Variants in DOK5 observed in about 807,000 individuals in gnomAD.
DOK5 encodes the protein docking protein 5, also known as downstream of tyrosine kinase 5.
In DOK5, 27 loss-of-function variants were observed where a neutral mutation model predicts 43.3. The ratio of observed to expected loss-of-function variants is 0.62; its 90% CI spans 0.46 to 0.86. DOK5 has a LOEUF of 0.86. Among genes scored for constraint, DOK5 ranks in the 40% least tolerant of loss-of-function variants. The pLI, the probability that DOK5 is intolerant of heterozygous loss-of-function variation, is 0.00. For synonymous variants in DOK5, 146 were observed against 140.1 expected (o/e 1.04, Z -0.30); for missense variants, 373 against 392.9 (o/e 0.95, Z 0.43).
intron 1 of DOK5, among the ~76,000 whole-genome samples, chr20:54,532,944 C>T (rs2426531): frequency 0.17 from 25,669 of 152,230 alleles, 4,723 homozygotes; most frequent in African/African-American, 0.47. Context: ...TCTATGTCTA[C>T]CTGATCCTAA....
chr20:54,533,791 TTTTG>T (rs1414500841), intron 1 of DOK5, among the ~76,000 whole-genome samples: 1 of 152,210 alleles, frequency 6.6e-6, no homozygotes, highest in Non-Finnish European at 1.5e-5. Flanking sequence ...TTATTTCTGA[TTTTG>T]TTTATTATTT....
At chr20:54,623,442 A>G (rs527434338) in intron 6 of DOK5, among the ~76,000 whole-genome samples, 1 of 152,234 alleles carries the variant, frequency 6.6e-6, no homozygotes, top group Non-Finnish European at 1.5e-5. Flanking sequence ...TGTTCACATC[A>G]TATGTAATAA....
intron 1 of DOK5, among the ~76,000 whole-genome samples, chr20:54,502,526 C>T (rs1353736045): frequency 6.6e-6 from 1 of 152,148 alleles, no homozygotes; most frequent in Non-Finnish European, 1.5e-5. Flanking sequence ...CCCGTCTACC[C>T]AGAGCCACCA....
chr20:54,576,329 T>G (rs1423017220), intron 2 of DOK5, among the ~76,000 whole-genome samples: 1 of 152,188 alleles, frequency 6.6e-6, no homozygotes. Flanking sequence ...AGAAGACTAC[T>G]GCTCAGAAGC....
chr20:54,539,264 G>A lies in DOK5; in HGVS notation c.67-15669G>A, dbSNP rs988419304. 4.0e-5 allele frequency among the ~76,000 whole-genome samples: 5 copies of A among 126,436 alleles called. No homozygotes were observed. The South Asian group carries it at 1.0e-3, about 26-fold the overall frequency. The allele number at this position is 126,436 out of a possible 152,430, so 82.9% of individuals were successfully genotyped here. A position where few individuals can be genotyped will look rare whatever the true frequency, so the allele number is the denominator to read the frequency against. ...CCTGCACTCCAGCCTGGGCAACAGA[G>A]CGAGGCTCCATCTCCAAAAAAAAAA... On this transcript the variant is annotated intron_variant, in intron 1 of 7. Transcript: ENST00000262593.
At chr20:54,575,158 G>A (rs1261071741) in intron 2 of DOK5, among the ~76,000 whole-genome samples, 2 of 152,182 alleles carry the variant, frequency 1.3e-5, no homozygotes, top group African/African-American at 4.8e-5. Context: ...GGAACATTCT[G>A]CAAGAAAACT....
chr20:54,606,104 G>A (rs1358939505), intron 5 of DOK5, among the ~76,000 whole-genome samples: 1 of 152,146 alleles, frequency 6.6e-6, no homozygotes, highest in Non-Finnish European at 1.5e-5. Context: ...CTGAGCTATT[G>A]GTTCCTTCTG....
At chr20:54,579,350 G>A (rs1268288918) in intron 2 of DOK5, among the ~76,000 whole-genome samples, 1 of 148,760 alleles carries the variant, frequency 6.7e-6, no homozygotes, top group African/African-American at 2.6e-5. Context: ...TAAAAGTTGT[G>A]TGTGTGCTTG....
chr20:54,648,660 G>A (rs1282576461), intron 7 of DOK5, among the ~76,000 whole-genome samples: 1 of 152,198 alleles, frequency 6.6e-6, no homozygotes, highest in East Asian at 1.9e-4. Context: ...TAAAGAGACA[G>A]CCGGGGTGGT....
chr20:54,578,692 C>G (rs1193536155), intron 2 of DOK5, among the ~76,000 whole-genome samples: 1 of 152,138 alleles, frequency 6.6e-6, no homozygotes, highest in Admixed American at 6.5e-5. Flanking sequence ...AATTGCATCT[C>G]CTTTAGAAAA....
intron 1 of DOK5, among the ~76,000 whole-genome samples, chr20:54,531,989 A>G (rs1018155786): frequency 3.3e-5 from 5 of 152,150 alleles, no homozygotes; most frequent in African/African-American, 1.2e-4. Flanking sequence ...CTCTCATGTA[A>G]TTGATTTATG....
intron 1 of DOK5, among the ~76,000 whole-genome samples, chr20:54,539,716 G>A (rs1009735698): frequency 6.6e-6 from 1 of 152,116 alleles, no homozygotes. Flanking sequence ...GACAACCCAG[G>A]ACTTGACTGC....
chr20:54,487,087 G>A (rs1021573840), intron 1 of DOK5, among the ~76,000 whole-genome samples: 6 of 152,156 alleles, frequency 3.9e-5, no homozygotes, highest in Admixed American at 6.5e-5. Context: ...TAGCCAAAAT[G>A]GCAGAACTTT....
intron 2 of DOK5, among the ~76,000 whole-genome samples, chr20:54,556,730 T>C (rs1984719802): frequency 6.6e-6 from 1 of 152,174 alleles, no homozygotes. Flanking sequence ...CATCAGGTCT[T>C]CTCTTGAGAA....
chr20:54,499,550 T>C (rs1982516797), intron 1 of DOK5, among the ~76,000 whole-genome samples: 1 of 152,210 alleles, frequency 6.6e-6, no homozygotes, highest in South Asian at 2.1e-4. Flanking sequence ...ATGGCAGTTA[T>C]TGTACTGCTA....
chr20:54,574,591 T>A (rs1985396317), intron 2 of DOK5, among the ~76,000 whole-genome samples: 1 of 152,120 alleles, frequency 6.6e-6, no homozygotes, highest in South Asian at 2.1e-4. Flanking sequence ...AGTTACACAT[T>A]TTTGAAATTA....
chr20:54,580,817 T>G (rs185391581), intron 2 of DOK5, among the ~76,000 whole-genome samples: 41 of 152,320 alleles, frequency 2.7e-4, no homozygotes, highest in Middle Eastern at 3.4e-3. Flanking sequence ...ATTTTTCTCA[T>G]GCTATAGGTT....
At chr20:54,650,245 A>C (rs1979635874) in intron 7 of DOK5, among the ~76,000 whole-genome samples, 170 bp from the exon 8 acceptor site, 1 of 152,220 alleles carries the variant, frequency 6.6e-6, no homozygotes, top group Non-Finnish European at 1.5e-5. Flanking sequence ...ATGATACGTA[A>C]ATCATGCAAT....
chr20:54,516,170 T>C (rs182734234), intron 1 of DOK5, among the ~76,000 whole-genome samples: 58 of 152,362 alleles, frequency 3.8e-4, no homozygotes, highest in African/African-American at 1.3e-3. Flanking sequence ...TATCTGGTTA[T>C]ATAATCCAGT....
Sources: gnomAD v4.1 joint callset for allele counts (sites outside exome capture counted in the v4.1 genomes callset) on GRCh38, gnomAD v4.1.1 for gene constraint, MANE v1.5 for transcripts, NCBI Gene and HGNC (gene_info 2026-07-23, HGNC 2026-07-21) for gene names.